The following NTRK3 variants were observed in gnomAD, a reference collection of about 807,000 sequenced individuals.
NTRK3 encodes the protein NT-3 growth factor receptor.
In NTRK3, 24 loss-of-function variants were observed where a neutral mutation model predicts 91.7. That is an observed-to-expected ratio of 0.26 (90% CI 0.19 to 0.37). NTRK3 has a LOEUF of 0.37. NTRK3 is among the 10% of genes least tolerant of loss of function. The pLI is 1.00. For missense variants in NTRK3, 880 were observed against 1,068.9 expected (o/e 0.82, Z 2.46); for synonymous variants, 483 against 404.0 (o/e 1.20, Z -2.34).
At chr15:88,211,936 A>G (rs968863399) in intron 3 of NTRK3, among the ~76,000 whole-genome samples, 1 of 152,236 alleles carries the variant, frequency 6.6e-6, no homozygotes, top group African/African-American at 2.4e-5. Flanking sequence ...TCATGAACAC[A>G]TTTAAACTGT....
chr15:88,001,083 T>G (rs570915838), intron 14 of NTRK3, among the ~76,000 whole-genome samples: 195 of 152,340 alleles, frequency 1.3e-3, no homozygotes, highest in Non-Finnish European at 2.4e-3. Flanking sequence ...TGGATTTGCA[T>G]TTCCCTAATG....
intron 14 of NTRK3, among the ~76,000 whole-genome samples, chr15:88,013,638 T>C (rs2077034193): frequency 6.6e-6 from 1 of 152,224 alleles, no homozygotes; most frequent in Non-Finnish European, 1.5e-5. Flanking sequence ...CAGTAGGAAC[T>C]CAGACACCCT....
intron 15 of NTRK3, among the ~76,000 whole-genome samples, chr15:87,939,680 T>C (rs1318186858): frequency 6.6e-6 from 1 of 152,138 alleles, no homozygotes; most frequent in East Asian, 1.9e-4. Context: ...CTGGCATCGG[T>C]CAGCCCACAT....
intron 6 of NTRK3, among the ~76,000 whole-genome samples, chr15:88,144,503 C>T (rs2042698735): frequency 6.6e-6 from 1 of 152,014 alleles, no homozygotes; most frequent in South Asian, 2.1e-4. Flanking sequence ...TTGAGAGGGG[C>T]TTCTGGAAGG....
intron 13 of NTRK3, among the ~76,000 whole-genome samples, chr15:88,096,729 A>C (rs1241624720): frequency 2.0e-5 from 3 of 152,188 alleles, no homozygotes; most frequent in Non-Finnish European, 4.4e-5. Context: ...GTGGAGAGCA[A>C]CTTTGAGGCA....
intron 3 of NTRK3, among the ~76,000 whole-genome samples, chr15:88,246,284 G>A (rs2052809949): frequency 1.3e-5 from 2 of 152,236 alleles, no homozygotes; most frequent in Non-Finnish European, 2.9e-5. Flanking sequence ...GGTTTGCAAG[G>A]CACTTTCGTA....
chr15:88,220,481 T>C (rs1302298348), intron 3 of NTRK3, among the ~76,000 whole-genome samples: 2 of 152,198 alleles, frequency 1.3e-5, no homozygotes, highest in Admixed American at 6.5e-5. Context: ...TCAGTAGCTG[T>C]GTGACGCCAG....
chr15:87,915,308 C>T (rs2067372654), intron 17 of NTRK3, among the ~76,000 whole-genome samples: 2 of 152,208 alleles, frequency 1.3e-5, no homozygotes, highest in African/African-American at 4.8e-5. Flanking sequence ...CCCCAAGGCT[C>T]CAGGACAGGT....
At chr15:87,941,271 C>T (rs2069817786) in intron 14 of NTRK3, among the ~76,000 whole-genome samples, 1 of 152,138 alleles carries the variant, frequency 6.6e-6, no homozygotes, top group African/African-American at 2.4e-5. Context: ...CACGCCATTA[C>T]TAGTTTTTTG....
intron 3 of NTRK3, among the ~76,000 whole-genome samples, chr15:88,218,029 G>A (rs1244926066): frequency 6.6e-6 from 1 of 152,038 alleles, no homozygotes; most frequent in Admixed American, 6.5e-5. Flanking sequence ...CGCTGTCTTG[G>A]ACGAACACCT....
At chr15:87,997,911 C>T (rs1424171651) in intron 14 of NTRK3, among the ~76,000 whole-genome samples, 1 of 152,144 alleles carries the variant, frequency 6.6e-6, no homozygotes, top group East Asian at 1.9e-4. Context: ...GAGTCACTGT[C>T]TTTCCAAGTT....
At chr15:88,123,548 G>C (rs57138943) in intron 13 of NTRK3, among the ~76,000 whole-genome samples, 2 of 152,172 alleles carry the variant, frequency 1.3e-5, no homozygotes, top group Admixed American at 1.3e-4. Context: ...GATTTATTCC[G>C]AGCCAAATAT....
intron 3 of NTRK3, among the ~76,000 whole-genome samples, chr15:88,222,597 T>C (rs970674902): frequency 1.3e-5 from 2 of 152,192 alleles, no homozygotes; most frequent in Admixed American, 6.5e-5. Flanking sequence ...TTTCCATTCA[T>C]AGGTGGGGAA....
At chr15:88,135,842 C>T in intron 9 of NTRK3, 57 bp downstream of exon 9, 2 of 1,604,374 alleles carry the variant, frequency 1.2e-6, no homozygotes, top group Non-Finnish European at 1.7e-6. Flanking sequence ...CCCTCTCCAG[C>T]CTCCTATGCC....
intron 3 of NTRK3, among the ~76,000 whole-genome samples, chr15:88,216,743 G>A (rs2049808518): frequency 6.6e-6 from 1 of 152,152 alleles, no homozygotes; most frequent in African/African-American, 2.4e-5. Flanking sequence ...GGGGAGCCCA[G>A]CATCATCACA....
intron 13 of NTRK3, among the ~76,000 whole-genome samples, chr15:88,060,802 T>A (rs2046148826): frequency 6.6e-6 from 1 of 152,162 alleles, no homozygotes; most frequent in Non-Finnish European, 1.5e-5. Context: ...GAAGGAGGCA[T>A]AATCCAAGTG....
chr15:88,180,937 C>T (rs2046400184), intron 5 of NTRK3, among the ~76,000 whole-genome samples: 1 of 152,254 alleles, frequency 6.6e-6, no homozygotes, highest in African/African-American at 2.4e-5. Flanking sequence ...AAATAAAACC[C>T]GTGGATAAAG....
chr15:87,942,429 A>G (rs2142036467), intron 14 of NTRK3, among the ~76,000 whole-genome samples: 1 of 152,312 alleles, frequency 6.6e-6, no homozygotes, highest in African/African-American at 2.4e-5. Flanking sequence ...GCAAGGCTAA[A>G]GAGTCTCCCA....
At chr15:87,953,154 C>A (rs1316541514) in intron 14 of NTRK3, among the ~76,000 whole-genome samples, 1 of 152,116 alleles carries the variant, frequency 6.6e-6, no homozygotes, top group African/African-American at 2.4e-5. Flanking sequence ...GGCCTGTCTC[C>A]TGAACCTCTC....
Sources: allele counts gnomAD v4.1 joint callset (sites outside exome capture counted in the v4.1 genomes callset), GRCh38; gene constraint gnomAD v4.1.1; transcripts MANE v1.5; gene names NCBI Gene and HGNC (gene_info 2026-07-23, HGNC 2026-07-21).